The following IDE variants were observed in gnomAD, a reference collection of about 807,000 sequenced individuals.
IDE encodes insulin degrading enzyme.
IDE carries 58 observed loss-of-function variants against 133.2 expected under a neutral mutation model. That is an observed-to-expected ratio of 0.44 (90% CI 0.35 to 0.54). The LOEUF (loss-of-function observed/expected upper bound fraction) is 0.54, where lower values mean the gene tolerates loss of function less well. Among genes scored for constraint, IDE ranks in the 20% least tolerant of loss-of-function variants. The probability of loss-of-function intolerance (pLI) is 0.00; values close to 1 mark genes in which losing one functional copy is unlikely to be tolerated. For synonymous variants in IDE, 396 were observed against 421.3 expected (o/e 0.94, Z 0.73); for missense variants, 981 against 1,234.0 (o/e 0.79, Z 3.07).
intron 17 of IDE, among the ~76,000 whole-genome samples, chr10:92,473,913 T>G (rs913338172): frequency 6.6e-6 from 1 of 151,540 alleles, no homozygotes; most frequent in Non-Finnish European, 1.5e-5. Context: ...ACCTGGGAGG[T>G]GGAGGTTGCA....
chr10:92,485,787 TA>T (rs1436388222), intron 13 of IDE, among the ~76,000 whole-genome samples: 1 of 151,636 alleles, frequency 6.6e-6, no homozygotes, highest in Non-Finnish European at 1.5e-5. Context: ...TACAAAAAAT[TA>T]AAAACAAACT....
At position 92,454,422 on chromosome 10, in the gene IDE, C is replaced by T. The variant is rs757469229; in HGVS notation, c.*22G>A. ...AGACTCAGGAATGCATCCACTTGCACTTTCCCATGCATGGGGAATCTTCAG... is the reference window on the plus strand; with the variant it reads ...AGACTCAGGAATGCATCCACTTGCATTTTCCCATGCATGGGGAATCTTCAG... On this transcript the variant is annotated 3_prime_UTR_variant, in exon 25 of 25. Coordinates refer to ENST00000265986, the MANE Select transcript of IDE (RefSeq NM_004969.4). The T allele has an allele frequency of 2.6e-6, 4 of 1,527,144 alleles. No individual in the cohort carries two copies. In the East Asian group the frequency reaches 9.0e-5, roughly 34 times the overall value. 94.6% of individuals were successfully genotyped at this position (1,527,144 alleles called of 1,614,324 possible). A position where few individuals can be genotyped will look rare whatever the true frequency, so the allele number is the denominator to read the frequency against.
At chr10:92,461,106 G>GAGATACAC (rs1172443816) in intron 22 of IDE, 85 bp downstream of exon 22, 1 of 677,960 alleles carries the variant, frequency 1.5e-6, no homozygotes, top group East Asian at 2.8e-5. Flanking sequence ...CTCCCAAAGT[G>GAGATACAC]CTGGGATTAC....
intron 5 of IDE, among the ~76,000 whole-genome samples, chr10:92,510,846 TATG>T (rs1021700100): frequency 3.4e-5 from 5 of 148,384 alleles, no homozygotes; most frequent in Non-Finnish European, 6.0e-5. Context: ...ATATCACACA[TATG>T]ATATATATCA....
chr10:92,565,276 G>A (rs1364747942), intron 1 of IDE, among the ~76,000 whole-genome samples: 4 of 148,604 alleles, frequency 2.7e-5, no homozygotes, highest in Non-Finnish European at 5.9e-5. Flanking sequence ...AAAATTAGCT[G>A]GGCATGGTGG....
rs111941286 is a variant in IDE at position 92,510,809 on chromosome 10, A to C, written c.785-647T>G. Among the ~76,000 whole-genome samples, 379 of 149,450 alleles carry C rather than the reference A, an allele frequency of 2.5e-3. 3 individuals are homozygous for C. The highest frequency in any genetic ancestry group is 7.9e-3 in the African/African-American group (316 of 40,226). On this transcript the variant is annotated intron_variant, in intron 5 of 24. Transcript: ENST00000265986. Reference sequence around the variant, plus strand: ...CTCACATGATATATAGCACATACATATCACATATATGATATATAGCACATA... The same window carrying C: ...CTCACATGATATATAGCACATACATCTCACATATATGATATATAGCACATA...
intron 17 of IDE, among the ~76,000 whole-genome samples, chr10:92,471,602 C>G (rs1845969305): frequency 6.6e-6 from 1 of 152,154 alleles, no homozygotes; most frequent in South Asian, 2.1e-4. Flanking sequence ...CTTTCCACCA[C>G]AATACTTACC....
chr10:92,479,924 T>C (rs919464203), intron 14 of IDE, among the ~76,000 whole-genome samples: 2 of 152,172 alleles, frequency 1.3e-5, no homozygotes, highest in African/African-American at 4.8e-5. Context: ...TTGAGACCTG[T>C]GAAAATGTTA....
intron 1 of IDE, among the ~76,000 whole-genome samples, chr10:92,557,833 T>G (rs1252960225): frequency 7.7e-6 from 1 of 129,856 alleles, no homozygotes; most frequent in African/African-American, 3.0e-5. Flanking sequence ...GAGGTTGCAG[T>G]CACTGCACTA....
chr10:92,483,338 C>T lies in IDE; in HGVS notation c.1657-1G>A. The stretch of plus-strand genomic sequence containing the variant: ...ACCAAAGTTTGCTCATAGCTGTATC[C>T]TGTGATGGAGAAACAATTTGGTTAG... On this transcript the variant is annotated splice_acceptor_variant, in intron 13 of 24. Coordinates refer to ENST00000265986, the MANE Select transcript of IDE (RefSeq NM_004969.4). LOFTEE classifies it high-confidence loss of function. The T allele has an allele frequency of 6.3e-7, 1 of 1,582,656 alleles. No homozygotes were observed. Among genetic ancestry groups the T allele is most frequent in the Non-Finnish European group, 8.7e-7 (1 of 1,152,450 alleles).
intron 5 of IDE, among the ~76,000 whole-genome samples, chr10:92,512,682 C>CTT (rs968839556): frequency 3.3e-5 from 5 of 150,726 alleles, no homozygotes; most frequent in African/African-American, 9.7e-5. Flanking sequence ...ACAGAGTATG[C>CTT]TTTTTTTTTA....
At chr10:92,496,142 T>C (rs1467212741) in intron 11 of IDE, among the ~76,000 whole-genome samples, 1 of 152,148 alleles carries the variant, frequency 6.6e-6, no homozygotes, top group East Asian at 1.9e-4. Flanking sequence ...CTCAAAGTGC[T>C]GGGATTACAG....
intron 19 of IDE, among the ~76,000 whole-genome samples, chr10:92,467,113 C>T (rs771833691): frequency 5.9e-5 from 9 of 152,076 alleles, no homozygotes; most frequent in Non-Finnish European, 8.8e-5. Context: ...GTCACTCTGG[C>T]ACCCAGACTG....
At chr10:92,454,674 G>A (rs930059606) in intron 24 of IDE, 135 bp from the exon 25 acceptor site, 5 of 649,392 alleles carry the variant, frequency 7.7e-6, no homozygotes, top group African/African-American at 3.6e-5. Flanking sequence ...GCTTGAGGCC[G>A]CTCTACCTAA....
chr10:92,457,412 A>G (rs998878703), intron 22 of IDE, among the ~76,000 whole-genome samples: 2 of 152,170 alleles, frequency 1.3e-5, no homozygotes, highest in African/African-American at 4.8e-5. Flanking sequence ...AGCAGCTTAC[A>G]TGAATTACAT....
In IDE at chr10:92,487,276, T is replaced by C. The variant is rs1322536763; in HGVS notation, c.1576A>G (p.Thr526Ala). 1 of 1,612,220 alleles carries C rather than the reference T, an allele frequency of 6.2e-7. No individual in the cohort carries two copies. Among genetic ancestry groups the C allele is most frequent in the Non-Finnish European group, 8.5e-7 (1 of 1,179,064 alleles). The change falls in exon 13 of 25, where the codon ACA becomes GCA. Residue 526 changes from threonine to alanine, a missense_variant. Physicochemically the swap from Thr to Ala is moderately conservative, Grantham distance 58. Transcript: ENST00000265986. The stretch of plus-strand genomic sequence containing the variant: ...TTCGTAGGAATAAATTCATTCTTTG[T>C]AGGAAGTTTAAATTTCCCATTCAGG... ...ADLNGKFKLP[T>A]KNEFIPTNFE...
intron 1 of IDE, among the ~76,000 whole-genome samples, chr10:92,539,881 T>C (rs1004561968): frequency 5.3e-5 from 8 of 152,110 alleles, no homozygotes; most frequent in African/African-American, 1.9e-4. Flanking sequence ...GGTAAAATAG[T>C]AATAATTCTC....
chr10:92,573,392 C>G (rs970854530), intron 1 of IDE, among the ~76,000 whole-genome samples: 1 of 152,188 alleles, frequency 6.6e-6, no homozygotes, highest in African/African-American at 2.4e-5. Flanking sequence ...TCTTCCAAGG[C>G]GGGAGGCAGG....
chr10:92,470,462 C>T (rs1845908017), intron 17 of IDE, 117 bp from the exon 18 acceptor site: 1 of 501,246 alleles, frequency 2.0e-6, no homozygotes. Context: ...GTAAACACTT[C>T]ACCTAGTTTT....
Sources: allele counts gnomAD v4.1 joint callset (sites outside exome capture counted in the v4.1 genomes callset), GRCh38; gene constraint gnomAD v4.1.1; transcripts MANE v1.5; gene names NCBI Gene and HGNC (gene_info 2026-07-23, HGNC 2026-07-21).